The following RBFOX1 variants were observed in gnomAD, a reference collection of about 807,000 sequenced individuals.
The protein encoded by RBFOX1 is RNA binding protein fox-1 homolog 1.
A neutral mutation model predicts 57.7 loss-of-function variants in RBFOX1; 8 were observed. The ratio of observed to expected loss-of-function variants is 0.14; its 90% CI spans 0.08 to 0.25. The LOEUF is 0.25. Ranked by LOEUF, RBFOX1 falls within the 10% of genes least tolerant of loss-of-function variation. RBFOX1 has a pLI of 1.00. For missense variants in RBFOX1, 611 were observed against 548.5 expected (o/e 1.11, Z -1.14); for synonymous variants, 326 against 222.4 (o/e 1.47, Z -4.15).
At chr16:7,385,923 T>C (rs1446159161) in intron 4 of RBFOX1, among the ~76,000 whole-genome samples, 11 of 119,998 alleles carry the variant, frequency 9.2e-5, no homozygotes, top group Admixed American at 4.1e-4. Flanking sequence ...CAGTTACTTA[T>C]TTATTTATTT....
In RBFOX1 at chr16:7,169,127, C is replaced by T. The variant is rs1271933948; in HGVS notation, c.27+117029C>T. Among the ~76,000 whole-genome samples, 10 of 152,244 alleles carry T rather than the reference C, an allele frequency of 6.6e-5. No homozygotes were observed. In the East Asian group the frequency reaches 1.9e-3, roughly 29 times the overall value. On this transcript the variant is annotated intron_variant, in intron 4 of 15. Coordinates refer to ENST00000550418, the MANE Select transcript of RBFOX1 (RefSeq NM_018723.4). ...GGGCAGGAAAAATGTGAAGTTCTCACCTATTAAGAAGGCAACACCAATAAT... is the reference window on the plus strand; with the variant it reads ...GGGCAGGAAAAATGTGAAGTTCTCATCTATTAAGAAGGCAACACCAATAAT...
In RBFOX1 at chr16:6,735,190, C is replaced by G. The variant is rs13333148; in HGVS notation, c.-16+80540C>G. ...ACATCAACAACAACAACATCAACAACGAAAACCAAACTGGTGGCTTATTGC... is the reference window on the plus strand; with the variant it reads ...ACATCAACAACAACAACATCAACAAGGAAAACCAAACTGGTGGCTTATTGC... On this transcript the variant is annotated intron_variant, in intron 3 of 15. Coordinates refer to ENST00000550418, the MANE Select transcript of RBFOX1 (RefSeq NM_018723.4). Among the ~76,000 whole-genome samples, 16 of 152,000 alleles carry G rather than the reference C, an allele frequency of 1.1e-4. No homozygotes were observed. The East Asian group carries it at 2.3e-3, about 22-fold the overall frequency.
chr16:7,068,730 G>C (rs1440470142), intron 4 of RBFOX1, among the ~76,000 whole-genome samples: 1 of 152,098 alleles, frequency 6.6e-6, no homozygotes, highest in East Asian at 1.9e-4. Context: ...TGGGATTACA[G>C]GTCCCTGCCA....
At chr16:7,156,548 G>A (rs1235144581) in intron 4 of RBFOX1, among the ~76,000 whole-genome samples, 2 of 151,850 alleles carry the variant, frequency 1.3e-5, no homozygotes, top group African/African-American at 4.8e-5. Context: ...TATGCATGTA[G>A]ATATACATAT....
intron 2 of RBFOX1, among the ~76,000 whole-genome samples, chr16:6,517,805 T>C (rs969373765): frequency 1.3e-5 from 2 of 152,218 alleles, no homozygotes; most frequent in Non-Finnish European, 2.9e-5. Context: ...TTGCTTTTCT[T>C]CCATTCGTTA....
chr16:5,416,435 A>C (rs938428602), intron 1 of RBFOX1, among the ~76,000 whole-genome samples: 15 of 152,142 alleles, frequency 9.9e-5, no homozygotes, highest in African/African-American at 3.4e-4. Context: ...ACTGATTTTT[A>C]GTTCAACTTT....
chr16:7,072,814 C>G (rs2057590887), intron 4 of RBFOX1, among the ~76,000 whole-genome samples: 1 of 152,170 alleles, frequency 6.6e-6, no homozygotes, highest in Admixed American at 6.5e-5. Flanking sequence ...CTACCGTTGG[C>G]CCAGTTTTAT....
chr16:6,603,673 A>C lies in RBFOX1; in HGVS notation c.-63-50930A>C, dbSNP rs2097885567. On this transcript the variant is annotated intron_variant, in intron 2 of 15. Coordinates refer to ENST00000550418, the MANE Select transcript of RBFOX1 (RefSeq NM_018723.4). ...GCACCACTAGGCTGACTGTAGTGTGAACATTGAGGATCCTACCCCAATCCT... is the reference window on the plus strand; with the variant it reads ...GCACCACTAGGCTGACTGTAGTGTGCACATTGAGGATCCTACCCCAATCCT... Among the ~76,000 whole-genome samples, 2 of 152,148 alleles carry C rather than the reference A, an allele frequency of 1.3e-5. 1 individual carries two copies. The highest frequency in any genetic ancestry group is 1.3e-4 in the Admixed American group (2 of 15,276).
Position 7,521,265 on chromosome 16 carries a change from G to A in RBFOX1, c.270+2876G>A, listed in dbSNP as rs576295663. ...GTTTTGGGCATGATGAAGGGGATTT[G>A]GAGGTGATGTGGCAAAAGATGAACC... On this transcript the variant is annotated intron_variant, in intron 5 of 15. Transcript: ENST00000550418. Among the ~76,000 whole-genome samples, 9 of 152,314 alleles carry A rather than the reference G, an allele frequency of 5.9e-5. No homozygotes were observed. The East Asian group carries it at 1.7e-3, about 29-fold the overall frequency.
At chr16:5,767,479 G>A (rs1192754959) in intron 3 of RBFOX1, among the ~76,000 whole-genome samples, 7 of 152,274 alleles carry the variant, frequency 4.6e-5, no homozygotes, top group Admixed American at 4.6e-4. Context: ...GGATAGAAAG[G>A]CATGAAGCAT....
At chr16:6,945,795 A>G (rs1304927138) in intron 3 of RBFOX1, among the ~76,000 whole-genome samples, 1 of 152,154 alleles carries the variant, frequency 6.6e-6, no homozygotes, top group African/African-American at 2.4e-5. Context: ...GGAGGCCGAG[A>G]CGGGAGAATC....
At chr16:5,249,178 T>G (rs182081741) in intron 1 of RBFOX1, among the ~76,000 whole-genome samples, 1 of 152,252 alleles carries the variant, frequency 6.6e-6, no homozygotes, top group East Asian at 1.9e-4. Context: ...GTGTTTTCCT[T>G]TTCCTTGTGT....
intron 3 of RBFOX1, among the ~76,000 whole-genome samples, chr16:6,785,721 A>G (rs1459478120): frequency 6.6e-6 from 1 of 152,346 alleles, no homozygotes; most frequent in South Asian, 2.1e-4. Context: ...TTAATATCAT[A>G]TGAATATGAA....
intron 4 of RBFOX1, among the ~76,000 whole-genome samples, chr16:7,290,834 C>A (rs1192377972): frequency 6.6e-6 from 1 of 152,160 alleles, no homozygotes; most frequent in South Asian, 2.1e-4. Context: ...CTTATCTAAG[C>A]CTTCTGAGTC....
chr16:7,549,546 C>A (rs893009957), intron 5 of RBFOX1, among the ~76,000 whole-genome samples: 1 of 152,090 alleles, frequency 6.6e-6, no homozygotes, highest in Non-Finnish European at 1.5e-5. Flanking sequence ...GAAGCCAGTC[C>A]GAGTCCTAGA....
intron 2 of RBFOX1, among the ~76,000 whole-genome samples, chr16:6,552,583 A>G (rs1054518678): frequency 7.2e-5 from 11 of 152,234 alleles, no homozygotes; most frequent in African/African-American, 2.4e-4. Flanking sequence ...ATAAACAACA[A>G]TACTTGAGGA....
intron 3 of RBFOX1, among the ~76,000 whole-genome samples, chr16:6,898,717 G>A (rs529674609): frequency 3.9e-5 from 6 of 152,136 alleles, no homozygotes; most frequent in Non-Finnish European, 7.4e-5. Flanking sequence ...TAATATATGT[G>A]TGTATGTGTA....
At chr16:5,492,154 C>T (rs1452403355) in intron 2 of RBFOX1, among the ~76,000 whole-genome samples, 1 of 152,188 alleles carries the variant, frequency 6.6e-6, no homozygotes, top group Non-Finnish European at 1.5e-5. Context: ...CCCTCCAGGA[C>T]ATGCTGGTGC....
At chr16:6,253,583 G>A (rs145502822) in intron 1 of RBFOX1, among the ~76,000 whole-genome samples, 1 of 148,000 alleles carries the variant, frequency 6.8e-6, no homozygotes, top group Admixed American at 7.0e-5. Context: ...CTTGATCAAT[G>A]GTTGATGATA....
Sources: allele counts gnomAD v4.1 joint callset (sites outside exome capture counted in the v4.1 genomes callset), GRCh38; gene constraint gnomAD v4.1.1; transcripts MANE v1.5; gene names NCBI Gene and HGNC (gene_info 2026-07-23, HGNC 2026-07-21).